Variants in SAMMSON observed in about 807,000 individuals in gnomAD.
SAMMSON encodes the protein long intergenic non-protein coding RNA 1212.
intron 4 of SAMMSON, among the ~76,000 whole-genome samples, chr3:70,139,380 C>A (rs1276999794): frequency 1.3e-5 from 2 of 152,122 alleles, no homozygotes; most frequent in Non-Finnish European, 2.9e-5. Flanking sequence ...TTATCCAGAC[C>A]CACTGGGACA....
chr3:70,187,511 C>CA (rs1420821263), intron 4 of SAMMSON, among the ~76,000 whole-genome samples: 1 of 140,236 alleles, frequency 7.1e-6, no homozygotes, highest in Non-Finnish European at 1.5e-5. Flanking sequence ...GATCTCGACT[C>CA]ACTGCAAGCT....
At chr3:70,345,031 C>T (rs1466427625) in intron 7 of SAMMSON, among the ~76,000 whole-genome samples, 1 of 152,178 alleles carries the variant, frequency 6.6e-6, no homozygotes, top group East Asian at 1.9e-4. Context: ...TGTGTGTATA[C>T]TAACTCATAT....
At chr3:70,108,528 A>C (rs1315189560) in intron 4 of SAMMSON, among the ~76,000 whole-genome samples, 4 of 147,564 alleles carry the variant, frequency 2.7e-5, no homozygotes, top group Non-Finnish European at 4.5e-5. Context: ...CACATCGCAC[A>C]GGCTGAATGT....
chr3:70,174,352 AG>A (rs1011349298), intron 4 of SAMMSON, among the ~76,000 whole-genome samples: 3 of 151,932 alleles, frequency 2.0e-5, no homozygotes, highest in Non-Finnish European at 4.4e-5. Context: ...ACTTTAAGGG[AG>A]TGTAAGTGGT....
chr3:70,176,707 A>G (rs1701012550), intron 4 of SAMMSON, among the ~76,000 whole-genome samples: 1 of 152,228 alleles, frequency 6.6e-6, no homozygotes, highest in Non-Finnish European at 1.5e-5. Context: ...TAATTTGTAT[A>G]CTAAAAAGAT....
chr3:70,175,622 A>G (rs1308398051), intron 4 of SAMMSON, among the ~76,000 whole-genome samples: 1 of 152,112 alleles, frequency 6.6e-6, no homozygotes, highest in Admixed American at 6.6e-5. Flanking sequence ...CTGAGACTTC[A>G]TAGATATCAA....
intron 4 of SAMMSON, among the ~76,000 whole-genome samples, chr3:70,169,290 A>G (rs1275294527): frequency 6.6e-6 from 1 of 152,048 alleles, no homozygotes; most frequent in African/African-American, 2.4e-5. Context: ...CAAATACACT[A>G]TGAAGTCATT....
intron 4 of SAMMSON, among the ~76,000 whole-genome samples, chr3:70,097,949 C>G (rs926506736): frequency 6.6e-6 from 1 of 152,180 alleles, no homozygotes; most frequent in African/African-American, 2.4e-5. Flanking sequence ...TCACAACATT[C>G]TTCATATTAT....
chr3:70,170,323 A>G (rs184445510), intron 4 of SAMMSON, among the ~76,000 whole-genome samples: 7 of 151,886 alleles, frequency 4.6e-5, no homozygotes, highest in Non-Finnish European at 5.9e-5. Context: ...ATAGCTTTAC[A>G]GGAAAAATGA....
intron 3 of SAMMSON, among the ~76,000 whole-genome samples, chr3:70,029,434 A>C (rs2067055967): frequency 6.6e-6 from 1 of 152,092 alleles, no homozygotes; most frequent in Admixed American, 6.6e-5. Flanking sequence ...ATTTAGCCAG[A>C]AAGTAGCATT....
At chr3:70,196,446 AATG>A (rs1296823009) in intron 4 of SAMMSON, among the ~76,000 whole-genome samples, 4 of 152,194 alleles carry the variant, frequency 2.6e-5, no homozygotes, top group Non-Finnish European at 4.4e-5. Context: ...TTAATTACAA[AATG>A]ATGTTATACA....
At chr3:70,274,745 CT>C (rs1356361215) in intron 6 of SAMMSON, among the ~76,000 whole-genome samples, 1 of 152,076 alleles carries the variant, frequency 6.6e-6, no homozygotes, top group Non-Finnish European at 1.5e-5. Flanking sequence ...GCACATGTAC[CT>C]TGGAACTTAA....
rs17006693 is a variant in SAMMSON at position 70,083,210 on chromosome 3, G to A, written n.507+11645G>A. Among the ~76,000 whole-genome samples, 413 of 152,280 alleles carry A rather than the reference G, an allele frequency of 2.7e-3. 1 individual carries two copies. Among genetic ancestry groups the A allele is most frequent in the African/African-American group, 9.4e-3 (390 of 41,550 alleles). On this transcript the variant is annotated intron_variant and non_coding_transcript_variant, in intron 4 of 9. Coordinates refer to ENST00000642114, the Ensembl canonical transcript of SAMMSON. ...TTGTGATCATTTGCCAGAATTGGCC[G>A]TCTTGAAAGGATTGTATCGCTTGCC...
chr3:70,182,046 T>C (rs1345572133), intron 4 of SAMMSON, among the ~76,000 whole-genome samples: 2 of 152,042 alleles, frequency 1.3e-5, no homozygotes, highest in African/African-American at 4.8e-5. Context: ...GAAATGAATG[T>C]CCAGGATGCT....
At chr3:70,166,297 T>C (rs1224487113) in intron 4 of SAMMSON, among the ~76,000 whole-genome samples, 1 of 151,998 alleles carries the variant, frequency 6.6e-6, no homozygotes, top group African/African-American at 2.4e-5. Flanking sequence ...ACTGGATTTC[T>C]AAAAGGATGA....
At chr3:70,432,015 T>G (rs569790595) in intron 2 of SAMMSON, among the ~76,000 whole-genome samples, 18 of 152,020 alleles carry the variant, frequency 1.2e-4, no homozygotes, top group Non-Finnish European at 2.7e-4. Flanking sequence ...TTAATAATAA[T>G]GCTGCTATAA....
At chr3:70,055,681 A>G (rs889013990) in intron 3 of SAMMSON, among the ~76,000 whole-genome samples, 1 of 152,146 alleles carries the variant, frequency 6.6e-6, no homozygotes, top group Non-Finnish European at 1.5e-5. Flanking sequence ...TTTCTAAGGC[A>G]TGTGGAATTT....
At chr3:70,214,062 G>A (rs142405047) in intron 4 of SAMMSON, among the ~76,000 whole-genome samples, 3 of 152,152 alleles carry the variant, frequency 2.0e-5, no homozygotes, top group East Asian at 1.9e-4. Context: ...AGGGATGAAG[G>A]CTTCTAAAAT....
chr3:70,171,136 A>G (rs1011294378), intron 4 of SAMMSON, among the ~76,000 whole-genome samples: 99 of 152,040 alleles, frequency 6.5e-4, no homozygotes, highest in African/African-American at 2.3e-3. Context: ...ACACTCTTAA[A>G]AAAACACATA....
Sources: gnomAD v4.1 joint callset for allele counts (sites outside exome capture counted in the v4.1 genomes callset) on GRCh38, gnomAD v4.1.1 for gene constraint, MANE v1.5 for transcripts, NCBI Gene and HGNC (gene_info 2026-07-23, HGNC 2026-07-21) for gene names.